The following HYCC1 variants were observed in gnomAD, a reference collection of about 807,000 sequenced individuals.
HYCC1 encodes hyccin PI4KA lipid kinase complex subunit 1, also known as hyccin.
chr7:23,011,616 T>A, the HYCC1 span, among the ~76,000 whole-genome samples: 1 of 152,214 alleles, frequency 6.6e-6, no homozygotes, highest in Non-Finnish European at 1.5e-5. Context: ...TACCATTCCC[T>A]GATCTGGCCC....
chr7:22,976,377 C>T, the HYCC1 span: 6 of 1,047,852 alleles, frequency 5.7e-6, no homozygotes, highest in East Asian at 1.5e-4. Flanking sequence ...GGGGAGAGAG[C>T]ACTCCTTGGG....
the HYCC1 span, among the ~76,000 whole-genome samples, chr7:22,963,154 C>A: frequency 0.011 from 1,729 of 152,208 alleles, 31 homozygotes; most frequent in African/African-American, 0.037. Flanking sequence ...CATGAACAAT[C>A]AAAAATTACA....
the HYCC1 span, among the ~76,000 whole-genome samples, chr7:22,998,316 TAG>T: frequency 1.3e-4 from 20 of 152,292 alleles, no homozygotes; most frequent in African/African-American, 4.8e-4. Flanking sequence ...AGCATTCAAA[TAG>T]CCTTGACTAA....
the HYCC1 span, among the ~76,000 whole-genome samples, chr7:22,920,755 G>T: frequency 0.25 from 38,362 of 152,028 alleles, 5,000 homozygotes; most frequent in East Asian, 0.48. Context: ...TGTTATGGTT[G>T]GAATGTGTGT....
At chr7:22,951,417 A>C in the HYCC1 span, among the ~76,000 whole-genome samples, 1 of 151,934 alleles carries the variant, frequency 6.6e-6, no homozygotes, top group Admixed American at 6.6e-5. Context: ...TGTGAAAATA[A>C]TAAGCTGAAG....
chr7:23,002,162 A>ATATACATACAAT, the HYCC1 span, among the ~76,000 whole-genome samples: 26 of 35,484 alleles, frequency 7.3e-4, no homozygotes, highest in Non-Finnish European at 1.3e-3. Context: ...ATATATATAT[A>ATATACATACAAT]TATATATATA....
chr7:23,007,410 T>C, the HYCC1 span, among the ~76,000 whole-genome samples: 2 of 152,132 alleles, frequency 1.3e-5, no homozygotes, highest in African/African-American at 4.8e-5. Context: ...GAAATAATAA[T>C]CTTCACCTCA....
chr7:22,925,503 G>C, the HYCC1 span, among the ~76,000 whole-genome samples: 1 of 152,208 alleles, frequency 6.6e-6, no homozygotes, highest in East Asian at 1.9e-4. Flanking sequence ...TGATGGAGCT[G>C]AAAACCACGG....
At chr7:22,924,576 T>C in the HYCC1 span, among the ~76,000 whole-genome samples, 2 of 152,230 alleles carry the variant, frequency 1.3e-5, no homozygotes, top group African/African-American at 4.8e-5. Context: ...CATAGAGCCT[T>C]GCTCATTGCT....
the HYCC1 span, among the ~76,000 whole-genome samples, chr7:22,904,656 A>G: frequency 6.6e-6 from 1 of 151,740 alleles, no homozygotes; most frequent in East Asian, 1.9e-4. Context: ...TAAGTTATAA[A>G]GAAAAGAGGT....
At chr7:22,939,458 GAAAA>G in the HYCC1 span, 3 of 150,270 alleles carry the variant, frequency 2.0e-5, no homozygotes, top group Non-Finnish European at 3.0e-5. Context: ...AATCTGACAG[GAAAA>G]AAAAAGAGAA....
the HYCC1 span, among the ~76,000 whole-genome samples, chr7:23,006,137 G>GA: frequency 1.0e-3 from 155 of 152,290 alleles, 1 homozygote; most frequent in Non-Finnish European, 1.4e-3. Context: ...AATGGGGAGT[G>GA]CAGTCTGGGT....
At chr7:22,927,474 T>C in the HYCC1 span, among the ~76,000 whole-genome samples, 1 of 151,960 alleles carries the variant, frequency 6.6e-6, no homozygotes, top group Non-Finnish European at 1.5e-5. Flanking sequence ...AAGAATCAAA[T>C]AGACGCAATA....
the HYCC1 span, among the ~76,000 whole-genome samples, chr7:22,958,509 C>G: frequency 1.3e-5 from 2 of 152,074 alleles, no homozygotes; most frequent in South Asian, 4.1e-4. Flanking sequence ...GATAAGAATG[C>G]TACTTTAATG....
At chr7:23,001,152 T>C in the HYCC1 span, among the ~76,000 whole-genome samples, 25 of 152,216 alleles carry the variant, frequency 1.6e-4, no homozygotes, top group African/African-American at 6.0e-4. Flanking sequence ...AATGTTGTGA[T>C]AATGACTAAC....
At chr7:22,981,419 T>A in the HYCC1 span, among the ~76,000 whole-genome samples, 1 of 152,234 alleles carries the variant, frequency 6.6e-6, no homozygotes, top group Non-Finnish European at 1.5e-5. Flanking sequence ...AGGAATATTT[T>A]CAAATTTAGA....
At chr7:22,965,199 G>T in the HYCC1 span, among the ~76,000 whole-genome samples, 1 of 151,098 alleles carries the variant, frequency 6.6e-6, no homozygotes, top group African/African-American at 2.4e-5. Flanking sequence ...AAATAGATGT[G>T]TGGTATGATC....
At chr7:22,965,059 G>A in the HYCC1 span, among the ~76,000 whole-genome samples, 1 of 151,466 alleles carries the variant, frequency 6.6e-6, no homozygotes, top group Admixed American at 6.6e-5. Flanking sequence ...ACTTGAACCT[G>A]GGAGGTGGAG....
chr7:22,915,796 T>C, the HYCC1 span, among the ~76,000 whole-genome samples: 29 of 152,316 alleles, frequency 1.9e-4, no homozygotes, highest in East Asian at 5.6e-3. Context: ...TCCCCAACTC[T>C]GGTGCCAACT....
Sources: allele counts gnomAD v4.1 joint callset (sites outside exome capture counted in the v4.1 genomes callset), GRCh38; gene constraint gnomAD v4.1.1; transcripts MANE v1.5; gene names NCBI Gene and HGNC (gene_info 2026-07-23, HGNC 2026-07-21).